The following BMPER variants were observed in gnomAD, a reference collection of about 807,000 sequenced individuals.
BMPER encodes the protein BMP-binding endothelial regulator protein.
Under a neutral mutation model 87.3 loss-of-function variants are expected in BMPER, and 45 were observed. The observed-to-expected ratio is 0.52, with a 90% CI of 0.41 to 0.66. The LOEUF is 0.66. Among genes scored for constraint, BMPER ranks in the 30% least tolerant of loss-of-function variants. BMPER has a pLI of 0.00. For synonymous variants in BMPER, 326 were observed against 316.2 expected, an observed-to-expected ratio of 1.03 and a Z score of -0.33; for missense variants, 784 against 867.5, an observed-to-expected ratio of 0.90 and a Z score of 1.21.
intron 6 of BMPER, among the ~76,000 whole-genome samples, chr7:34,006,990 T>C (rs756853960): frequency 2.6e-5 from 4 of 152,104 alleles, no homozygotes; most frequent in Non-Finnish European, 4.4e-5. Context: ...TGCACCTTCC[T>C]AGTATAATTT....
At chr7:34,152,110 C>T (rs907495188) in intron 14 of BMPER, among the ~76,000 whole-genome samples, 12 of 152,168 alleles carry the variant, frequency 7.9e-5, no homozygotes, top group South Asian at 2.1e-4. Context: ...TACAATTACA[C>T]GATTCCTTAC....
intron 6 of BMPER, among the ~76,000 whole-genome samples, chr7:34,026,018 T>G (rs1387505771): frequency 6.6e-6 from 1 of 151,996 alleles, no homozygotes; most frequent in East Asian, 1.9e-4. Flanking sequence ...AAGAACTCTT[T>G]TGGAGTTTCA....
At chr7:34,110,714 G>A (rs1487229599) in intron 13 of BMPER, among the ~76,000 whole-genome samples, 1 of 152,202 alleles carries the variant, frequency 6.6e-6, no homozygotes. Context: ...AAAGGTGCAG[G>A]CCTCAAGCCC....
At chr7:34,005,776 T>C (rs890144028) in intron 6 of BMPER, among the ~76,000 whole-genome samples, 5 of 152,048 alleles carry the variant, frequency 3.3e-5, no homozygotes, top group African/African-American at 1.2e-4. Context: ...TTTGGAAGTC[T>C]TTACTCTACT....
intron 3 of BMPER, among the ~76,000 whole-genome samples, chr7:33,960,927 A>G: frequency 6.6e-6 from 1 of 152,244 alleles, no homozygotes; most frequent in East Asian, 1.9e-4. Context: ...GAAAGAACAC[A>G]GGAGCATACT....
chr7:34,124,536 C>A (rs2127990084), intron 13 of BMPER, among the ~76,000 whole-genome samples: 1 of 151,476 alleles, frequency 6.6e-6, no homozygotes, highest in Non-Finnish European at 1.5e-5. Flanking sequence ...TTATTGATGG[C>A]ATATAGGAAA....
At chr7:34,040,573 A>G (rs562152887) in intron 6 of BMPER, among the ~76,000 whole-genome samples, 2 of 152,174 alleles carry the variant, frequency 1.3e-5, no homozygotes, top group South Asian at 4.1e-4. Flanking sequence ...CCCACTGCCT[A>G]GATTGAGCAC....
At chr7:34,116,777 G>C (rs1301603617) in intron 13 of BMPER, among the ~76,000 whole-genome samples, 1 of 152,210 alleles carries the variant, frequency 6.6e-6, no homozygotes, top group African/African-American at 2.4e-5. Flanking sequence ...ATCACCTGAG[G>C]TCAGGAGTTT....
intron 8 of BMPER, among the ~76,000 whole-genome samples, chr7:34,053,065 T>C (rs1788188106): frequency 6.6e-6 from 1 of 152,118 alleles, no homozygotes; most frequent in South Asian, 2.1e-4. Flanking sequence ...CATATCACAC[T>C]CCCAATTCTC....
chr7:34,042,833 C>A (rs1787867173), intron 6 of BMPER: 1 of 152,172 alleles, frequency 6.6e-6, no homozygotes, highest in African/African-American at 2.4e-5. Context: ...TCAATGTCTC[C>A]TTACAGGATT....
chr7:34,107,571 G>A (rs183111095), intron 13 of BMPER, among the ~76,000 whole-genome samples: 1 of 151,892 alleles, frequency 6.6e-6, no homozygotes, highest in Non-Finnish European at 1.5e-5. Flanking sequence ...GTTTTTTTTC[G>A]GAAGTAAAAT....
chr7:34,002,105 G>A (rs985345657), intron 6 of BMPER, among the ~76,000 whole-genome samples: 2 of 151,684 alleles, frequency 1.3e-5, no homozygotes, highest in Non-Finnish European at 3.0e-5. Flanking sequence ...GGAGAATGTT[G>A]TATGTGTATT....
At chr7:34,140,864 C>A (rs143368992) in intron 13 of BMPER, among the ~76,000 whole-genome samples, 5 of 152,278 alleles carry the variant, frequency 3.3e-5, no homozygotes, top group Admixed American at 2.0e-4. Context: ...CTGAGACCAG[C>A]CTTTTCCCAT....
At chr7:34,083,653 C>T (rs142063215) in intron 12 of BMPER, among the ~76,000 whole-genome samples, 1 of 152,188 alleles carries the variant, frequency 6.6e-6, no homozygotes. Flanking sequence ...TCAGCCTTCT[C>T]TCCTCTTGGA....
intron 3 of BMPER, among the ~76,000 whole-genome samples, chr7:33,962,456 T>A (rs1332991560): frequency 6.6e-6 from 1 of 152,168 alleles, no homozygotes; most frequent in Non-Finnish European, 1.5e-5. Context: ...CTTGGCGCAA[T>A]GAAAATGTTG....
At chr7:33,936,900 C>T (rs993960419) in intron 2 of BMPER, among the ~76,000 whole-genome samples, 1 of 152,200 alleles carries the variant, frequency 6.6e-6, no homozygotes, top group Non-Finnish European at 1.5e-5. Flanking sequence ...TTTTTGTTCT[C>T]ACGATGCAGT....
At chr7:34,152,511 A>G (rs1050719083) in intron 14 of BMPER, among the ~76,000 whole-genome samples, 2 of 152,036 alleles carry the variant, frequency 1.3e-5, no homozygotes, top group African/African-American at 2.4e-5. Context: ...ATATTGTTTG[A>G]CCCAGCCAGC....
intron 6 of BMPER, among the ~76,000 whole-genome samples, chr7:34,034,583 A>T (rs1787612477): frequency 6.6e-6 from 1 of 152,210 alleles, no homozygotes; most frequent in South Asian, 2.1e-4. Flanking sequence ...GCAGTATGGA[A>T]GTCTCCACTG....
intron 11 of BMPER, among the ~76,000 whole-genome samples, chr7:34,073,153 A>G (rs933844311): frequency 1.3e-5 from 2 of 152,186 alleles, no homozygotes; most frequent in South Asian, 4.1e-4. Context: ...ACAGACATTT[A>G]TTGGTACATA....
Sources: allele counts gnomAD v4.1 joint callset (sites outside exome capture counted in the v4.1 genomes callset), GRCh38; gene constraint gnomAD v4.1.1; transcripts MANE v1.5; gene names NCBI Gene and HGNC (gene_info 2026-07-23, HGNC 2026-07-21).